FAM222B: variants seen among roughly 807,000 people sequenced by gnomAD.
FAM222B encodes the protein family with sequence similarity 222 member B.
In FAM222B, 12 loss-of-function variants were observed where a neutral mutation model predicts 38.0. The ratio of observed to expected loss-of-function variants is 0.32; its 90% CI spans 0.20 to 0.51. FAM222B has a LOEUF of 0.51. Ranked by LOEUF, FAM222B falls within the 20% of genes least tolerant of loss-of-function variation. The pLI, the probability that FAM222B is intolerant of heterozygous loss-of-function variation, is 0.97. For synonymous variants in FAM222B, 329 were observed against 317.2 expected, an observed-to-expected ratio of 1.04 and a Z score of -0.40; for missense variants, 716 against 754.2, an observed-to-expected ratio of 0.95 and a Z score of 0.59.
chr17:28,843,285 G>C (rs1472290839), upstream of FAM222B, among the ~76,000 whole-genome samples: 1 of 150,722 alleles, frequency 6.6e-6, no homozygotes, highest in Non-Finnish European at 1.5e-5. Flanking sequence ...TTACAGGCAT[G>C]CACCACCACG....
intron 1 of FAM222B, among the ~76,000 whole-genome samples, chr17:28,795,686 C>T (rs779118894): frequency 7.2e-5 from 11 of 152,162 alleles, no homozygotes; most frequent in Non-Finnish European, 1.5e-4. Flanking sequence ...CCTCATCCCC[C>T]CAAAATGCTG....
At chr17:28,835,991 T>G (rs2038833695) in intron 1 of FAM222B, among the ~76,000 whole-genome samples, 1 of 142,674 alleles carries the variant, frequency 7.0e-6, no homozygotes, top group South Asian at 2.4e-4. Flanking sequence ...CTTCTTATTT[T>G]TATTATATAT....
intron 1 of FAM222B, among the ~76,000 whole-genome samples, chr17:28,776,332 C>A (rs1199567710): frequency 7.1e-6 from 1 of 140,772 alleles, no homozygotes; most frequent in Admixed American, 7.2e-5. Flanking sequence ...GGCGAGATCA[C>A]GCCACTGCAC....
intron 1 of FAM222B, among the ~76,000 whole-genome samples, chr17:28,817,265 T>C (rs890153079): frequency 6.6e-5 from 10 of 150,780 alleles, no homozygotes; most frequent in African/African-American, 2.4e-4. Flanking sequence ...ATACAAAAAT[T>C]AGCCGGGCGT....
intron 1 of FAM222B, among the ~76,000 whole-genome samples, chr17:28,779,734 G>C (rs1483785165): frequency 1.3e-5 from 2 of 151,404 alleles, no homozygotes; most frequent in Admixed American, 1.3e-4. Context: ...CTGGGCGACA[G>C]AGCGAGACTC....
At chr17:28,761,831 G>A (rs1009610608) in intron 2 of FAM222B, among the ~76,000 whole-genome samples, 2 of 152,146 alleles carry the variant, frequency 1.3e-5, no homozygotes, top group African/African-American at 4.8e-5. Flanking sequence ...CAAGACATCA[G>A]AATTCCAACA....
intron 1 of FAM222B, among the ~76,000 whole-genome samples, chr17:28,841,319 A>T (rs879805975): frequency 6.6e-6 from 1 of 152,128 alleles, no homozygotes; most frequent in Non-Finnish European, 1.5e-5. Context: ...TATAATAAAC[A>T]AATTATATTT....
chr17:28,816,252 G>C (rs1052064111), intron 1 of FAM222B, among the ~76,000 whole-genome samples: 6 of 151,968 alleles, frequency 3.9e-5, no homozygotes. Flanking sequence ...ACTCCAGCCT[G>C]GGCGAGTGGG....
At chr17:28,828,206 G>A (rs2038512918) in intron 1 of FAM222B, among the ~76,000 whole-genome samples, 1 of 146,170 alleles carries the variant, frequency 6.8e-6, no homozygotes. Context: ...CGCCTCCCGG[G>A]TTCAAGCAAT....
intron 1 of FAM222B, 66 bp from the exon 2 acceptor site, chr17:28,766,773 C>T: frequency 1.1e-6 from 1 of 873,332 alleles, no homozygotes; most frequent in Non-Finnish European, 1.8e-6. Flanking sequence ...AGTAGGAACA[C>T]TGGATATGAC....
intron 2 of FAM222B, among the ~76,000 whole-genome samples, chr17:28,763,112 G>A (rs991336683): frequency 3.9e-5 from 6 of 152,114 alleles, no homozygotes; most frequent in Non-Finnish European, 5.9e-5. Context: ...TAGAGACATA[G>A]ACAATGTAGG....
At chr17:28,824,570 A>G (rs1457933134) in intron 1 of FAM222B, among the ~76,000 whole-genome samples, 1 of 152,172 alleles carries the variant, frequency 6.6e-6, no homozygotes, top group Non-Finnish European at 1.5e-5. Flanking sequence ...CCAGTCAATA[A>G]TATAGAAGTT....
chr17:28,794,988 G>A (rs886959826), intron 1 of FAM222B, among the ~76,000 whole-genome samples: 1 of 151,910 alleles, frequency 6.6e-6, no homozygotes, highest in African/African-American at 2.4e-5. Context: ...AGGTACTTGG[G>A]AGGCTGAGGC....
At chr17:28,835,662 T>A (rs1380850306) in intron 1 of FAM222B, among the ~76,000 whole-genome samples, 1 of 151,978 alleles carries the variant, frequency 6.6e-6, no homozygotes, top group African/African-American at 2.4e-5. Context: ...AACAAAACAG[T>A]TTTTTGTTGT....
At position 28,758,346 on chromosome 17, in the gene FAM222B, T is replaced by C. The variant is rs796499230; in HGVS notation, c.1613A>G (p.His538Arg). 3.1e-6 allele frequency: 5 copies of C among 1,612,736 alleles called. No individual in the cohort carries two copies. In the African/African-American group the frequency reaches 6.7e-5, roughly 22 times the overall value. ...GGGGGCTCGGTTGCCAGGGGCTCGG[T>C]GGGCCTTGCTCAGCATGGCCAGGCT... ...EQSLAMLSKA[H>R]RAPGNRAPDP... Residue 538 changes from histidine to arginine, a missense_variant, in exon 3 of 3, where the codon CAC (histidine) becomes CGC (arginine). Coordinates refer to ENST00000581407, the MANE Select transcript of FAM222B (RefSeq NM_001077498.3).
intron 1 of FAM222B, among the ~76,000 whole-genome samples, chr17:28,818,894 T>G (rs1286640887): frequency 2.0e-5 from 3 of 152,228 alleles, no homozygotes; most frequent in Non-Finnish European, 4.4e-5. Flanking sequence ...ATTTGGCATC[T>G]TTAAATGCAC....
intron 1 of FAM222B, among the ~76,000 whole-genome samples, chr17:28,813,194 A>T (rs190373014): frequency 9.1e-4 from 137 of 151,250 alleles, no homozygotes; most frequent in Non-Finnish European, 1.4e-3. Flanking sequence ...CCTGTTTCAG[A>T]TACAAAACAT....
At chr17:28,849,848 G>A (rs2039169604) in intron 1 of FAM222B, among the ~76,000 whole-genome samples, 2 of 151,988 alleles carry the variant, frequency 1.3e-5, no homozygotes, top group South Asian at 4.1e-4. Flanking sequence ...TTGGGAGGCC[G>A]AGGAGGGCGG....
intron 1 of FAM222B, among the ~76,000 whole-genome samples, chr17:28,807,519 G>A (rs2037549844): frequency 1.3e-5 from 2 of 152,058 alleles, no homozygotes; most frequent in Admixed American, 1.3e-4. Flanking sequence ...CTGAGTAGCT[G>A]GAATTACAGG....
Sources: allele counts gnomAD v4.1 joint callset (sites outside exome capture counted in the v4.1 genomes callset), GRCh38; gene constraint gnomAD v4.1.1; transcripts MANE v1.5; gene names NCBI Gene and HGNC (gene_info 2026-07-23, HGNC 2026-07-21).